TNS4: variants seen among roughly 807,000 people sequenced by gnomAD.
The protein encoded by TNS4 is tensin-4.
A neutral mutation model predicts 70.4 loss-of-function variants in TNS4; 46 were observed. That is an observed-to-expected ratio of 0.65 (90% confidence interval 0.52 to 0.84). The LOEUF (loss-of-function observed/expected upper bound fraction) is 0.84, where lower values mean the gene tolerates loss of function less well. Ranked by LOEUF, TNS4 falls within the 40% of genes least tolerant of loss-of-function variation. The probability of loss-of-function intolerance (pLI) is 0.00; values close to 1 mark genes in which losing one functional copy is unlikely to be tolerated. For synonymous variants in TNS4, 390 were observed against 366.6 expected (o/e 1.06, Z -0.73); for missense variants, 863 against 907.0 (o/e 0.95, Z 0.62).
chr17:40,488,673 A>G lies in TNS4; in HGVS notation c.736T>C (p.Leu246=). ...MGSKASSPHG[L]GSPLVASPRL... is the part of the protein sequence containing the mutation. ...GGAGAAGCCACCAGCGGGGAGCCCA[A>G]ACCATGGGGGCTCGAGGCCTTGCTC... Residue 246 remains leucine (L), a synonymous_variant, in exon 3 of 13, where the codon TTG becomes CTG. Coordinates refer to ENST00000254051, the MANE Select transcript of TNS4 (RefSeq NM_032865.6). 1.3e-6 allele frequency: 2 copies of G among 1,572,674 alleles called. No individual in the cohort carries two copies. Among genetic ancestry groups the G allele is most frequent in the Non-Finnish European group, 1.7e-6 (2 of 1,158,774 alleles).
chr17:40,479,717 T>C lies in TNS4; in HGVS notation c.1867A>G (p.Lys623Glu), dbSNP rs764112386. The C allele has an allele frequency of 1.9e-6, 3 of 1,613,934 alleles. No individual in the cohort carries two copies. The African/African-American group carries it at 4.0e-5, about 22-fold the overall frequency. ...ILPTPTVVHF[K>E]VTEQGITLTD... Reference sequence around the variant, plus strand: ...AGAGTGATGCCCTGCTCTGTGACTTTGAAGTGGACCACGGTGGGCGTGGGG... The same window carrying C: ...AGAGTGATGCCCTGCTCTGTGACTTCGAAGTGGACCACGGTGGGCGTGGGG... The change falls in exon 10 of 13, where the codon AAA (lysine) becomes GAA (glutamate). Residue 623 changes from lysine (K) to glutamate (E), a missense_variant. Transcript: ENST00000254051.
At chr17:40,488,423 C>G (rs1216653421) in intron 3 of TNS4, 123 bp downstream of exon 3, 8 of 865,350 alleles carry the variant, frequency 9.2e-6, no homozygotes, top group Middle Eastern at 2.8e-4. Context: ...ACATTTGCTT[C>G]TGGTTTTGGT....
chr17:40,487,473 A>G lies in TNS4; in HGVS notation c.864-13T>C, dbSNP rs766342442. The G allele has an allele frequency of 6.3e-7, 1 of 1,589,628 alleles. No individual in the cohort carries two copies. Among genetic ancestry groups the G allele is most frequent in the Non-Finnish European group, 8.6e-7 (1 of 1,164,874 alleles). On this transcript the variant is annotated splice_polypyrimidine_tract_variant and intron_variant, in intron 3 of 12. Transcript: ENST00000254051. ...GAGGGACTGGCTGCTGCAGCGGGAG[A>G]GAGTCAGACAGGGTGTTAGGGCAAC...
At chr17:40,494,176 G>A (rs2036110746) in intron 2 of TNS4, among the ~76,000 whole-genome samples, 1 of 152,228 alleles carries the variant, frequency 6.6e-6, no homozygotes, top group Non-Finnish European at 1.5e-5. Context: ...CAACCCCAAT[G>A]TTTAATAAAA....
chr17:40,496,070 A>G lies in TNS4; in HGVS notation c.356T>C (p.Leu119Pro), dbSNP rs1428419076. 3.7e-6 allele frequency: 6 copies of G among 1,613,156 alleles called. No homozygotes were observed. Among genetic ancestry groups the G allele is most frequent in the Non-Finnish European group, 5.1e-6 (6 of 1,179,696 alleles). The part of the protein sequence containing the change: ...ILELDPTFQL[L>P]PPGTGGSQAE... ...CTGGGAGCCCCCAGTCCCTGGGGGA[A>G]GCAGCTGGAAGGTGGGGTCCAGTTC... The change falls in exon 2 of 13, where the codon CTT becomes CCT. Residue 119 changes from leucine (L) to proline (P), a missense_variant. Transcript: ENST00000254051.
At chr17:40,498,610 G>T (rs1212466475) in intron 1 of TNS4, among the ~76,000 whole-genome samples, 1 of 152,022 alleles carries the variant, frequency 6.6e-6, no homozygotes. Context: ...AGGCTAGAGT[G>T]CAGTGGCACA....
At chr17:40,491,316 C>T (rs573010527) in intron 2 of TNS4, among the ~76,000 whole-genome samples, 92 of 142,500 alleles carry the variant, frequency 6.5e-4, no homozygotes, top group East Asian at 2.1e-4. Context: ...AGGACCACTA[C>T]GAACACATTG....
At chr17:40,484,414 C>A (rs942212871) in intron 6 of TNS4, 70 bp downstream of exon 6, 1 of 1,577,620 alleles carries the variant, frequency 6.3e-7, no homozygotes. Flanking sequence ...AGTGCCAGAG[C>A]CAGGACTGGA....
chr17:40,499,543 G>A (rs981540870), intron 1 of TNS4, among the ~76,000 whole-genome samples: 2 of 152,238 alleles, frequency 1.3e-5, no homozygotes, highest in African/African-American at 4.8e-5. Flanking sequence ...GGTTTCATGA[G>A]AAAAGCCAGG....
In TNS4 at chr17:40,479,812, C is replaced by A; in HGVS notation, c.1772G>T (p.Ser591Ile). Residue 591 changes from serine (S) to isoleucine (I), a missense_variant, in exon 10 of 13, where the codon AGC (serine) becomes ATC (isoleucine). By Grantham distance (142) the Ser-to-Ile change is moderately radical. Transcript: ENST00000254051. ...CAGGGCTCCAGTCAGGGTCTCCACG[C>A]TCACTGAGCTCAGGTACAGGGTGTG... ...GCHTLYLSSVSVETLTGALAV... is the reference protein window; with the variant it reads ...GCHTLYLSSVIVETLTGALAV... 2 of 1,613,370 alleles carry A rather than the reference C, an allele frequency of 1.2e-6. No homozygotes were observed. The highest frequency in any genetic ancestry group is 1.7e-6 in the Non-Finnish European group (2 of 1,179,810).
intron 2 of TNS4, among the ~76,000 whole-genome samples, chr17:40,493,310 C>T (rs182217757): frequency 6.6e-6 from 1 of 152,178 alleles, no homozygotes; most frequent in African/African-American, 2.4e-5. Context: ...CTTGAACAGC[C>T]CAAAAGTAGG....
chr17:40,480,188 T>C (rs898367736), intron 9 of TNS4, among the ~76,000 whole-genome samples: 2 of 152,172 alleles, frequency 1.3e-5, no homozygotes, highest in African/African-American at 4.8e-5. Flanking sequence ...TCTTGGTTCA[T>C]TGGCAACGGT....
At chr17:40,495,820 T>C (rs1413468414) in intron 2 of TNS4, among the ~76,000 whole-genome samples, 167 bp downstream of exon 2, 2 of 152,194 alleles carry the variant, frequency 1.3e-5, no homozygotes, top group African/African-American at 4.8e-5. Flanking sequence ...AAGCTTGTAT[T>C]TATCCCCTTT....
At chr17:40,485,987 A>AC (rs1208054020) in intron 4 of TNS4, among the ~76,000 whole-genome samples, 6 of 151,904 alleles carry the variant, frequency 3.9e-5, no homozygotes, top group Admixed American at 3.3e-4. Context: ...TAAACATTCC[A>AC]CCCCCACCCC....
Position 40,477,528 on chromosome 17 carries a change from GA to G in TNS4, c.*59del, listed in dbSNP as rs2035863463. ...ACAAGCCACACCCATTCAGGGGGTG[GA>G]GGGGGGCTCCTTAGCGAGCCCCTGG... On this transcript the variant is annotated 3_prime_UTR_variant, in exon 13 of 13. Coordinates refer to ENST00000254051, the MANE Select transcript of TNS4 (RefSeq NM_032865.6). 6.3e-7 allele frequency: 1 copy of G among 1,597,934 alleles called. No individual in the cohort carries two copies. Among genetic ancestry groups the G allele is most frequent in the African/African-American group, 1.3e-5 (1 of 74,622 alleles).
intron 4 of TNS4, among the ~76,000 whole-genome samples, chr17:40,486,646 C>T (rs72819653): frequency 0.041 from 6,168 of 151,888 alleles, 169 homozygotes; most frequent in South Asian, 0.093. Context: ...ACATGCCATG[C>T]GCTTCCACAC....
At chr17:40,492,921 C>A (rs748356548) in intron 2 of TNS4, among the ~76,000 whole-genome samples, 13 of 152,040 alleles carry the variant, frequency 8.6e-5, no homozygotes, top group Non-Finnish European at 2.9e-5. Flanking sequence ...GTGGTGGGCA[C>A]CTGTAATCCC....
At chr17:40,482,856 A>G (rs1040867012) in intron 6 of TNS4, among the ~76,000 whole-genome samples, 1 of 151,644 alleles carries the variant, frequency 6.6e-6, no homozygotes, top group Non-Finnish European at 1.5e-5. Context: ...ACATCTGCTC[A>G]ATGGCTCCAG....
At chr17:40,484,401 G>T in intron 6 of TNS4, 83 bp downstream of exon 6, 1 of 1,561,318 alleles carries the variant, frequency 6.4e-7, no homozygotes, top group Non-Finnish European at 8.6e-7. Context: ...CACCCTGAAA[G>T]CTAGTGCCAG....
Sources: allele counts gnomAD v4.1 joint callset (sites outside exome capture counted in the v4.1 genomes callset), GRCh38; gene constraint gnomAD v4.1.1; transcripts MANE v1.5; gene names NCBI Gene and HGNC (gene_info 2026-07-23, HGNC 2026-07-21).